AGBL1: variants seen among roughly 807,000 people sequenced by gnomAD.
AGBL1 encodes AGBL carboxypeptidase 1, also known as cytosolic carboxypeptidase 4.
A neutral mutation model predicts 118.9 loss-of-function variants in AGBL1; 130 were observed. The observed-to-expected ratio is 1.09, with a 90% CI of 0.95 to 1.26. The LOEUF is 1.26. Ranked by LOEUF, AGBL1 falls within the 50% of genes most tolerant of loss-of-function variation. The pLI is 0.00. For missense variants in AGBL1, 1,584 were observed against 1,298.1 expected, an observed-to-expected ratio of 1.22 and a Z score of -3.38; for synonymous variants, 555 against 478.9, an observed-to-expected ratio of 1.16 and a Z score of -2.08.
At chr15:86,603,433 GC>G (rs1322523445) in intron 21 of AGBL1, among the ~76,000 whole-genome samples, 5 of 150,336 alleles carry the variant, frequency 3.3e-5, no homozygotes, top group Non-Finnish European at 7.4e-5. Flanking sequence ...CCACACCCCC[GC>G]CCCCTACCAT....
chr15:86,474,425 T>G (rs1364541097), intron 18 of AGBL1, among the ~76,000 whole-genome samples: 1 of 152,140 alleles, frequency 6.6e-6, no homozygotes, highest in African/African-American at 2.4e-5. Context: ...ACCAGGAAAT[T>G]ATATCCCGTG....
intron 17 of AGBL1, among the ~76,000 whole-genome samples, chr15:86,306,796 T>C (rs571125109): frequency 9.2e-5 from 14 of 152,314 alleles, no homozygotes; most frequent in Admixed American, 2.0e-4. Flanking sequence ...TGTGCAAGGA[T>C]TCCCTTTTCT....
intron 22 of AGBL1, among the ~76,000 whole-genome samples, chr15:86,710,750 A>T (rs1319695212): frequency 1.3e-5 from 2 of 152,204 alleles, no homozygotes; most frequent in African/African-American, 4.8e-5. Flanking sequence ...AAGGTTGAAG[A>T]TCTAGAAAGA....
In AGBL1 at chr15:86,879,982, G is replaced by A. The variant is rs148377840; in HGVS notation, c.3159-27105G>A. Among the ~76,000 whole-genome samples, 348 of 152,298 alleles carry A rather than the reference G, an allele frequency of 2.3e-3. 4 individuals are homozygous for A. The highest frequency in any genetic ancestry group is 8.0e-3 in the African/African-American group (332 of 41,566). On this transcript the variant is annotated intron_variant, in intron 22 of 22. Coordinates refer to ENST00000614907, the MANE Select transcript of AGBL1 (RefSeq NM_001386094.1). ...AAAGCAAATAGCAGATGCAGGAGAT[G>A]CTTAAAAAGGAAAGAGAAGCAATGT... is the stretch of plus-strand genomic sequence containing the variant.
At chr15:86,961,770 C>A (rs2080995507) in intron 23 of AGBL1, among the ~76,000 whole-genome samples, 1 of 152,100 alleles carries the variant, frequency 6.6e-6, no homozygotes, top group Admixed American at 6.6e-5. Flanking sequence ...GATTCCCTAG[C>A]TCTAGAGCAC....
intron 21 of AGBL1, among the ~76,000 whole-genome samples, chr15:86,587,506 T>C (rs928675936): frequency 6.6e-6 from 1 of 152,004 alleles, no homozygotes; most frequent in African/African-American, 2.4e-5. Context: ...TTTGGGAAAG[T>C]GGGTCTAATT....
intron 21 of AGBL1, among the ~76,000 whole-genome samples, chr15:86,557,217 T>C (rs1431142302): frequency 2.6e-5 from 4 of 152,172 alleles, no homozygotes; most frequent in Non-Finnish European, 5.9e-5. Flanking sequence ...CCCAAAGCTA[T>C]TGAGGCTGTT....
At chr15:86,427,448 G>C (rs1309642297) in intron 18 of AGBL1, among the ~76,000 whole-genome samples, 1 of 151,168 alleles carries the variant, frequency 6.6e-6, no homozygotes, top group Admixed American at 6.6e-5. Flanking sequence ...CCAGCTTTAT[G>C]TTGCCATTCA....
intron 21 of AGBL1, among the ~76,000 whole-genome samples, chr15:86,658,634 C>T (rs1596344199): frequency 6.6e-6 from 1 of 152,150 alleles, no homozygotes; most frequent in Non-Finnish European, 1.5e-5. Flanking sequence ...TAGACTGACT[C>T]TTACTTTGAC....
At chr15:86,489,186 C>T (rs2082748619) in intron 18 of AGBL1, among the ~76,000 whole-genome samples, 1 of 152,086 alleles carries the variant, frequency 6.6e-6, no homozygotes, top group East Asian at 1.9e-4. Flanking sequence ...ACTGCCCTGG[C>T]ATCTTTGCCT....
At chr15:86,261,035 C>T (rs2078973802) in intron 9 of AGBL1, among the ~76,000 whole-genome samples, 1 of 152,192 alleles carries the variant, frequency 6.6e-6, no homozygotes, top group African/African-American at 2.4e-5. Flanking sequence ...GAGAAAACAA[C>T]CATGATCAAA....
chr15:86,446,676 T>C (rs76799660), intron 18 of AGBL1, among the ~76,000 whole-genome samples: 6,387 of 152,274 alleles, frequency 0.042, 194 homozygotes, highest in South Asian at 0.098. Flanking sequence ...CGACTCCCCT[T>C]AAAGATGCAA....
chr15:86,580,166 T>C (rs2084153768), intron 21 of AGBL1, among the ~76,000 whole-genome samples: 1 of 152,222 alleles, frequency 6.6e-6, no homozygotes, highest in African/African-American at 2.4e-5. Flanking sequence ...CTTTCTAACA[T>C]ATACTCATTA....
intron 21 of AGBL1, among the ~76,000 whole-genome samples, chr15:86,592,657 A>G (rs1055122339): frequency 2.0e-5 from 3 of 152,208 alleles, no homozygotes; most frequent in East Asian, 1.9e-4. Context: ...GGAAGGTCGC[A>G]TAACAGTTAA....
chr15:86,260,463 T>C (rs2078965096), intron 9 of AGBL1, among the ~76,000 whole-genome samples: 1 of 152,222 alleles, frequency 6.6e-6, no homozygotes, highest in Admixed American at 6.5e-5. Flanking sequence ...AAGCATTAGA[T>C]TCTGACAAAC....
At chr15:86,812,358 T>G in intron 22 of AGBL1, among the ~76,000 whole-genome samples, 1 of 152,176 alleles carries the variant, frequency 6.6e-6, no homozygotes, top group East Asian at 1.9e-4. Flanking sequence ...TAGAAGAATT[T>G]ACAAAGAATA....
chr15:86,328,443 A>T (rs2080220649), intron 17 of AGBL1, among the ~76,000 whole-genome samples: 1 of 152,236 alleles, frequency 6.6e-6, no homozygotes, highest in African/African-American at 2.4e-5. Flanking sequence ...ACAATTTATA[A>T]AGAAAACGGT....
At chr15:86,849,481 C>G (rs1262400802) in intron 22 of AGBL1, among the ~76,000 whole-genome samples, 2 of 149,572 alleles carry the variant, frequency 1.3e-5, no homozygotes, top group Non-Finnish European at 3.0e-5. Flanking sequence ...GAACAAAGAG[C>G]TATGAAAATA....
chr15:86,866,490 C>T (rs947621518), intron 22 of AGBL1, among the ~76,000 whole-genome samples: 3 of 152,176 alleles, frequency 2.0e-5, no homozygotes, highest in African/African-American at 7.2e-5. Flanking sequence ...TTTCAGAAAA[C>T]AATTATTGAG....
Sources: allele counts gnomAD v4.1 joint callset (sites outside exome capture counted in the v4.1 genomes callset), GRCh38; gene constraint gnomAD v4.1.1; transcripts MANE v1.5; gene names NCBI Gene and HGNC (gene_info 2026-07-23, HGNC 2026-07-21).